Variants in CEP112 observed in about 807,000 individuals in gnomAD.
CEP112 encodes centrosomal protein 112.
Under a neutral mutation model 153.0 loss-of-function variants are expected in CEP112, and 127 were observed. That is an observed-to-expected ratio of 0.83 (90% CI 0.72 to 0.96). The LOEUF is 0.96. Ranked by LOEUF, CEP112 falls within the 40% of genes least tolerant of loss-of-function variation. The pLI, the probability that CEP112 is intolerant of heterozygous loss-of-function variation, is 0.00. For synonymous variants in CEP112, 358 were observed against 374.4 expected (o/e 0.96, Z 0.51); for missense variants, 1,089 against 1,101.2 (o/e 0.99, Z 0.16).
At chr17:66,009,362 C>A (rs1218270954) in intron 16 of CEP112, among the ~76,000 whole-genome samples, 2 of 152,066 alleles carry the variant, frequency 1.3e-5, no homozygotes, top group Non-Finnish European at 2.9e-5. Context: ...GGAAAAGTGT[C>A]TATTCAAGTC....
intron 20 of CEP112, among the ~76,000 whole-genome samples, chr17:65,884,719 C>CTTTTTTTTTTTTTT (rs1401066748): frequency 3.5e-5 from 3 of 86,622 alleles, no homozygotes; most frequent in Admixed American, 1.2e-4. Flanking sequence ...TTTTTTTTTT[C>CTTTTTTTTTTTTTT]TTTTTTTTTT....
chr17:65,781,767 T>A (rs1354374450), intron 21 of CEP112, among the ~76,000 whole-genome samples: 1 of 152,092 alleles, frequency 6.6e-6, no homozygotes, highest in African/African-American at 2.4e-5. Context: ...AACTCCGTAT[T>A]CAAAAAATGG....
intron 6 of CEP112, among the ~76,000 whole-genome samples, chr17:66,111,689 G>A (rs1277142120): frequency 1.3e-5 from 2 of 152,044 alleles, no homozygotes; most frequent in Non-Finnish European, 2.9e-5. Context: ...AAGAAACAAC[G>A]GACACTGGAG....
intron 23 of CEP112, among the ~76,000 whole-genome samples, chr17:65,736,392 T>C (rs934525392): frequency 2.6e-5 from 4 of 152,132 alleles, no homozygotes; most frequent in Admixed American, 2.0e-4. Flanking sequence ...GTACAGTCTA[T>C]GGTCCATCCA....
intron 24 of CEP112, among the ~76,000 whole-genome samples, chr17:65,671,267 C>T (rs768390386): frequency 4.6e-5 from 7 of 152,166 alleles, no homozygotes; most frequent in Admixed American, 2.0e-4. Context: ...ACTTTAAGAG[C>T]TCCCGAAGGG....
At chr17:65,721,570 T>C (rs1007963030) in intron 23 of CEP112, among the ~76,000 whole-genome samples, 1 of 152,216 alleles carries the variant, frequency 6.6e-6, no homozygotes, top group Non-Finnish European at 1.5e-5. Flanking sequence ...TCTAGCATCA[T>C]AGAAACAAAT....
intron 4 of CEP112, among the ~76,000 whole-genome samples, chr17:66,138,609 G>A (rs541240913): frequency 7.2e-5 from 11 of 152,140 alleles, no homozygotes; most frequent in South Asian, 2.1e-4. Flanking sequence ...TAATGCAATC[G>A]AAGTTATCAG....
intron 8 of CEP112, among the ~76,000 whole-genome samples, chr17:66,071,745 G>A (rs2067314170): frequency 6.6e-6 from 1 of 152,114 alleles, no homozygotes; most frequent in Non-Finnish European, 1.5e-5. Flanking sequence ...GTTCTAAAGT[G>A]CAGCAACCAA....
intron 6 of CEP112, among the ~76,000 whole-genome samples, chr17:66,100,593 A>G (rs1280634077): frequency 6.6e-6 from 1 of 152,036 alleles, no homozygotes; most frequent in East Asian, 1.9e-4. Context: ...GTATAATTGG[A>G]TTCCCTGAAA....
At chr17:65,775,428 A>G (rs1245864581) in intron 21 of CEP112, among the ~76,000 whole-genome samples, 5 of 152,204 alleles carry the variant, frequency 3.3e-5, no homozygotes, top group Admixed American at 1.3e-4. Flanking sequence ...GGTTTTCCCC[A>G]CTTTGCATTA....
chr17:65,937,077 C>T (rs1307356527), intron 18 of CEP112, among the ~76,000 whole-genome samples: 3 of 149,172 alleles, frequency 2.0e-5, no homozygotes, highest in African/African-American at 7.4e-5. Context: ...CTCGGCCTCC[C>T]GAGGTGCCAG....
intron 17 of CEP112, among the ~76,000 whole-genome samples, chr17:65,997,551 T>G (rs1158721653): frequency 6.6e-6 from 1 of 152,202 alleles, no homozygotes; most frequent in Non-Finnish European, 1.5e-5. Context: ...TCAGACACGT[T>G]TAATTAAAAA....
At chr17:65,872,613 T>C (rs1338564078) in intron 20 of CEP112, among the ~76,000 whole-genome samples, 1 of 152,076 alleles carries the variant, frequency 6.6e-6, no homozygotes, top group Admixed American at 6.6e-5. Flanking sequence ...AAAAACTACC[T>C]AGATCAAAAC....
intron 21 of CEP112, among the ~76,000 whole-genome samples, chr17:65,795,574 G>A (rs2054862577): frequency 1.3e-5 from 2 of 152,144 alleles, no homozygotes; most frequent in Admixed American, 1.3e-4. Context: ...CAGTTCAGGA[G>A]GCTGAGGCAG....
At chr17:65,680,125 A>G (rs2047442869) in intron 24 of CEP112, among the ~76,000 whole-genome samples, 1 of 152,190 alleles carries the variant, frequency 6.6e-6, no homozygotes, top group South Asian at 2.1e-4. Context: ...GGTGGGTGCC[A>G]CGGGCAGGGC....
At chr17:66,090,888 G>C (rs2068109073) in intron 8 of CEP112, among the ~76,000 whole-genome samples, 1 of 151,986 alleles carries the variant, frequency 6.6e-6, no homozygotes, top group Admixed American at 6.6e-5. Flanking sequence ...AGCGAGGGTA[G>C]AAATACATCA....
intron 23 of CEP112, among the ~76,000 whole-genome samples, chr17:65,725,997 T>C (rs1331362309): frequency 1.3e-5 from 2 of 152,106 alleles, no homozygotes; most frequent in Admixed American, 1.3e-4. Context: ...ATGAAGTCTT[T>C]ATGTTTGAGC....
intron 20 of CEP112, among the ~76,000 whole-genome samples, chr17:65,893,442 C>A (rs1203627282): frequency 6.6e-6 from 1 of 151,974 alleles, no homozygotes; most frequent in Admixed American, 6.6e-5. Flanking sequence ...TGATTTTTCC[C>A]AACCTCCCAA....
rs928426446 is a variant in CEP112 at position 66,079,147 on chromosome 17, A to C, written c.769-9146T>G. ...TAACATACTGGCAAGGCTGCTAAGA[A>C]AAAGGAATGCTGCGGGGCACAGTGG... On this transcript the variant is annotated intron_variant, in intron 8 of 26. Transcript: ENST00000535342. 2.6e-5 allele frequency among the ~76,000 whole-genome samples: 4 copies of C among 152,198 alleles called. No homozygotes were observed. In the East Asian group the frequency reaches 5.8e-4, roughly 22 times the overall value.
Sources: allele counts gnomAD v4.1 joint callset (sites outside exome capture counted in the v4.1 genomes callset), GRCh38; gene constraint gnomAD v4.1.1; transcripts MANE v1.5; gene names NCBI Gene and HGNC (gene_info 2026-07-23, HGNC 2026-07-21).